MEF2A: variants seen among roughly 807,000 people sequenced by gnomAD.
MEF2A encodes myocyte enhancer factor 2A, also known as myocyte-specific enhancer factor 2A.
Under a neutral mutation model 55.8 loss-of-function variants are expected in MEF2A, and 28 were observed. That is an observed-to-expected ratio of 0.50 (90% confidence interval 0.37 to 0.69). The LOEUF is 0.69. Ranked by LOEUF, MEF2A falls within the 30% of genes least tolerant of loss-of-function variation. The pLI is 0.00. For missense variants in MEF2A, 528 were observed against 626.2 expected, an observed-to-expected ratio of 0.84 and a Z score of 1.67; for synonymous variants, 239 against 227.1, an observed-to-expected ratio of 1.05 and a Z score of -0.47.
At chr15:99,628,209 G>A (rs1394273546) in intron 2 of MEF2A, among the ~76,000 whole-genome samples, 1 of 152,094 alleles carries the variant, frequency 6.6e-6, no homozygotes, top group African/African-American at 2.4e-5. Flanking sequence ...TGCAATCCAT[G>A]TATATGTATC....
chr15:99,659,447 A>G (rs1464414663), intron 4 of MEF2A, among the ~76,000 whole-genome samples: 2 of 152,178 alleles, frequency 1.3e-5, no homozygotes, highest in Non-Finnish European at 2.9e-5. Flanking sequence ...GGAGAGGAAT[A>G]TGAAGACAGT....
At chr15:99,701,438 G>A (rs325415) in intron 8 of MEF2A, among the ~76,000 whole-genome samples, 33,888 of 152,094 alleles carry the variant, frequency 0.22, 4,479 homozygotes, top group South Asian at 0.31. Context: ...GAAAGACTGA[G>A]GAACTGTCAC....
chr15:99,602,933 G>A (rs1973827931), intron 2 of MEF2A, among the ~76,000 whole-genome samples: 1 of 151,996 alleles, frequency 6.6e-6, no homozygotes, highest in Non-Finnish European at 1.5e-5. Flanking sequence ...AGCTTTAGTT[G>A]TTTGTTTTTC....
At chr15:99,708,845 G>A (rs1431092691) in intron 10 of MEF2A, among the ~76,000 whole-genome samples, 2 of 152,170 alleles carry the variant, frequency 1.3e-5, no homozygotes, top group Non-Finnish European at 2.9e-5. Context: ...TTGGGAGAGG[G>A]TGTGCCTGTA....
intron 1 of MEF2A, among the ~76,000 whole-genome samples, chr15:99,580,254 C>T (rs1965538002): frequency 6.6e-6 from 1 of 152,132 alleles, no homozygotes; most frequent in Non-Finnish European, 1.5e-5. Context: ...CCGCCCCCCT[C>T]ACAGTTTTGC....
chr15:99,675,357 A>G (rs906289591), intron 6 of MEF2A, 42 bp from the exon 7 acceptor site: 4 of 1,551,374 alleles, frequency 2.6e-6, no homozygotes, highest in African/African-American at 1.4e-5. Context: ...GCTAATTCAT[A>G]TTCATTCTCT....
intron 2 of MEF2A, among the ~76,000 whole-genome samples, chr15:99,605,127 T>C (rs747222783): frequency 2.6e-5 from 4 of 152,172 alleles, no homozygotes; most frequent in Non-Finnish European, 5.9e-5. Flanking sequence ...TTTGTATTTT[T>C]AGTAGCGACG....
At chr15:99,634,978 TTC>T (rs1372574782) in intron 3 of MEF2A, among the ~76,000 whole-genome samples, 1 of 152,228 alleles carries the variant, frequency 6.6e-6, no homozygotes. Context: ...TAGAATTTGA[TTC>T]TGATTTAAAA....
At chr15:99,696,111 A>G (rs80303221) in intron 8 of MEF2A, among the ~76,000 whole-genome samples, 5,479 of 152,306 alleles carry the variant, frequency 0.036, 144 homozygotes, top group Middle Eastern at 0.075. Flanking sequence ...CAAAATACAT[A>G]AAGTGAAGAC....
At chr15:99,675,836 G>A (rs1485016556) in intron 7 of MEF2A, among the ~76,000 whole-genome samples, 1 of 152,118 alleles carries the variant, frequency 6.6e-6, no homozygotes, top group African/African-American at 2.4e-5. Context: ...TGAAGAGTTT[G>A]TGACCAGCCT....
intron 2 of MEF2A, among the ~76,000 whole-genome samples, chr15:99,604,790 G>A (rs1014829998): frequency 6.6e-6 from 1 of 150,530 alleles, no homozygotes; most frequent in Non-Finnish European, 1.5e-5. Context: ...GAATCTTTTT[G>A]TTTAAGCTTG....
chr15:99,702,486 G>A (rs1365195513), intron 8 of MEF2A, among the ~76,000 whole-genome samples: 1 of 145,338 alleles, frequency 6.9e-6, no homozygotes. Flanking sequence ...GGAGTGCAGT[G>A]GCGTGATCTC....
At chr15:99,691,561 G>C (rs2055463119) in intron 8 of MEF2A, among the ~76,000 whole-genome samples, 1 of 152,110 alleles carries the variant, frequency 6.6e-6, no homozygotes, top group Non-Finnish European at 1.5e-5. Context: ...AGCCGGGCGT[G>C]GTGGCGCGTG....
chr15:99,663,775 A>C (rs1399583626), intron 4 of MEF2A, among the ~76,000 whole-genome samples: 1 of 152,190 alleles, frequency 6.6e-6, no homozygotes. Context: ...ATACTTAAAA[A>C]AAAGTTTATA....
At chr15:99,678,422 G>A (rs1262217537) in intron 7 of MEF2A, among the ~76,000 whole-genome samples, 1 of 152,248 alleles carries the variant, frequency 6.6e-6, no homozygotes, top group Admixed American at 6.5e-5. Context: ...TTTTAAATAC[G>A]TTTTATCTGT....
chr15:99,704,901 T>A (rs2153805305), intron 9 of MEF2A, among the ~76,000 whole-genome samples: 1 of 152,308 alleles, frequency 6.6e-6, no homozygotes, highest in South Asian at 2.1e-4. Flanking sequence ...TTCCTCAGAG[T>A]ACATCTGTAA....
intron 4 of MEF2A, among the ~76,000 whole-genome samples, chr15:99,661,838 T>A (rs1490788166): frequency 6.6e-6 from 1 of 152,046 alleles, no homozygotes; most frequent in Non-Finnish European, 1.5e-5. Context: ...TACAGAAATG[T>A]CCACAGCAGC....
At chr15:99,624,069 G>T (rs2041687611) in intron 2 of MEF2A, among the ~76,000 whole-genome samples, 1 of 152,124 alleles carries the variant, frequency 6.6e-6, no homozygotes, top group Non-Finnish European at 1.5e-5. Context: ...ACCTCCCAAA[G>T]CGTTGGGATT....
intron 4 of MEF2A, among the ~76,000 whole-genome samples, chr15:99,657,055 C>T (rs2047854782): frequency 1.3e-5 from 2 of 152,040 alleles, no homozygotes; most frequent in South Asian, 2.1e-4. Context: ...TGGAGTCATG[C>T]AATATGTTCT....
Sources: allele counts gnomAD v4.1 joint callset (sites outside exome capture counted in the v4.1 genomes callset), GRCh38; gene constraint gnomAD v4.1.1; transcripts MANE v1.5; gene names NCBI Gene and HGNC (gene_info 2026-07-23, HGNC 2026-07-21).